Variants in SPRING1 observed in about 807,000 individuals in gnomAD.
The protein encoded by SPRING1 is SREBP regulating gene protein.
Under a neutral mutation model 24.7 loss-of-function variants are expected in SPRING1, and 14 were observed. The ratio of observed to expected loss-of-function variants is 0.57; its 90% CI spans 0.37 to 0.88. The LOEUF (loss-of-function observed/expected upper bound fraction) is 0.88. Ranked by LOEUF, SPRING1 falls within the 40% of genes least tolerant of loss-of-function variation. The probability of loss-of-function intolerance (pLI) is 0.00; values close to 1 mark genes in which losing one functional copy is unlikely to be tolerated. For synonymous variants in SPRING1, 93 were observed against 106.1 expected (o/e 0.88, Z 0.76); for missense variants, 255 against 268.4 (o/e 0.95, Z 0.35).
In SPRING1 at chr12:116,717,793, C is replaced by T; in HGVS notation, c.*17G>A. The T allele has an allele frequency of 6.4e-7, 1 of 1,572,724 alleles. No individual in the cohort carries two copies. On this transcript the variant is annotated 3_prime_UTR_variant, in exon 5 of 5. Coordinates refer to ENST00000261318, the MANE Select transcript of SPRING1 (RefSeq NM_024738.4). The surrounding 1 kb of genome is among the most constrained non-coding windows in gnomAD (Gnocchi z 4.2). The stretch of plus-strand genomic sequence containing the variant: ...CGGGGCCTCCTCACCCAGGCTGGAG[C>T]AAGTCCGCTGCACCCGTCAAGCGGG...
At chr12:116,736,260 G>C (rs1871214675) in intron 1 of SPRING1, among the ~76,000 whole-genome samples, 1 of 152,146 alleles carries the variant, frequency 6.6e-6, no homozygotes, top group South Asian at 2.1e-4. Context: ...GAGATTACCT[G>C]AGTCAGATAG....
intron 1 of SPRING1, among the ~76,000 whole-genome samples, chr12:116,730,795 G>C (rs1199154621): frequency 6.6e-6 from 1 of 152,188 alleles, no homozygotes. Flanking sequence ...AAAGTTACAA[G>C]CTAAGCGTAG....
chr12:116,737,570 G>A (rs4275719), intron 1 of SPRING1, among the ~76,000 whole-genome samples: 97,363 of 130,244 alleles, frequency 0.75, 37,890 homozygotes, highest in Non-Finnish European at 0.83. Flanking sequence ...GGGAGGCAGG[G>A]AGAGGGGAAG....
chr12:116,724,325 C>G (rs570780657), intron 1 of SPRING1, among the ~76,000 whole-genome samples: 1 of 152,286 alleles, frequency 6.6e-6, no homozygotes, highest in South Asian at 2.1e-4. Context: ...TGTCTACATA[C>G]ACTTTGGCCC....
chr12:116,737,794 T>C lies in SPRING1; in HGVS notation c.107A>G (p.Lys36Arg), dbSNP rs1345520701. 4 of 1,584,612 alleles carry C rather than the reference T, an allele frequency of 2.5e-6. No homozygotes were observed. Among genetic ancestry groups the C allele is most frequent in the Admixed American group, 1.7e-5 (1 of 57,930 alleles). ...AGGGGAAGGGCGGCCACTGACCTGC[T>C]TGAAGGTGCTGCTGAGGAAGTAGAC... ...SLVYFLSSTF[K>R]QEERAVRDRN... Residue 36 changes from lysine (K) to arginine (R), a missense_variant, in exon 1 of 5, where the codon AAG becomes AGG. Coordinates refer to ENST00000261318, the MANE Select transcript of SPRING1 (RefSeq NM_024738.4).
intron 2 of SPRING1, among the ~76,000 whole-genome samples, chr12:116,722,607 G>A (rs73218452): frequency 2.0e-5 from 3 of 152,336 alleles, no homozygotes; most frequent in Non-Finnish European, 4.4e-5. Context: ...TGGCATCACT[G>A]CTGAGTTGGG....
chr12:116,719,287 T>C (rs1870304358), intron 4 of SPRING1, among the ~76,000 whole-genome samples: 1 of 152,192 alleles, frequency 6.6e-6, no homozygotes. Context: ...CCTGACAGCC[T>C]ACAGATTTAT....
At position 116,734,413 on chromosome 12, in the gene SPRING1, T is replaced by G. The variant is rs193113787; in HGVS notation, c.111+3377A>C. On this transcript the variant is annotated intron_variant, in intron 1 of 4. Transcript: ENST00000261318. ...GCGACGCATGACTATAATCTTAAAA[T>G]GAAGATGATGTATCAGGGTAGTGAA... is the stretch of plus-strand genomic sequence containing the variant. Among the ~76,000 whole-genome samples, 5 of 152,212 alleles carry G rather than the reference T, an allele frequency of 3.3e-5. No individual in the cohort carries two copies. The East Asian group carries it at 9.6e-4, about 29-fold the overall frequency.
At chr12:116,733,906 T>G (rs1871112419) in intron 1 of SPRING1, among the ~76,000 whole-genome samples, 1 of 152,160 alleles carries the variant, frequency 6.6e-6, no homozygotes, top group Admixed American at 6.5e-5. Flanking sequence ...AAACACAGTC[T>G]CACTCTGTTG....
chr12:116,721,556 TTC>T (rs1375168277), intron 2 of SPRING1, among the ~76,000 whole-genome samples: 2 of 152,220 alleles, frequency 1.3e-5, no homozygotes, highest in African/African-American at 4.8e-5. Flanking sequence ...GAGAACTGGG[TTC>T]CAGATACTTG....
Position 116,720,932 on chromosome 12 carries a change from T to G in SPRING1, c.269-485A>C, listed in dbSNP as rs1486359380. Among the ~76,000 whole-genome samples the G allele has an allele frequency of 6.6e-6, 1 of 152,188 alleles. No homozygotes were observed. The highest frequency in any genetic ancestry group is 2.4e-5 in the African/African-American group (1 of 41,464). On this transcript the variant is annotated intron_variant, in intron 2 of 4. Transcript: ENST00000261318. The surrounding 1 kb of genome is among the most constrained non-coding windows in gnomAD (Gnocchi z 4.0). ...TATCTTTCAGATGCTCGCTGCATAC[T>G]GACTAATTTGGAGATTACAAAAATA...
rs748318886 is a variant in SPRING1, at chr12:116,710,358, GC to G, written c.*7451del. On this transcript the variant is annotated 3_prime_UTR_variant, in exon 5 of 5. Coordinates refer to ENST00000261318, the MANE Select transcript of SPRING1 (RefSeq NM_024738.4). ...TAAGTTCATACATTTTAAGGTTTCTGCCTGGTAATCACAAAAGCAGAGAAAG... is the reference window on the plus strand; with the variant it reads ...TAAGTTCATACATTTTAAGGTTTCTGCTGGTAATCACAAAAGCAGAGAAAG... 4.6e-5 allele frequency: 7 copies of G among 152,204 alleles called. No individual in the cohort carries two copies. The highest frequency in any genetic ancestry group is 1.0e-4 in the Non-Finnish European group (7 of 68,028). The allele number at this position is 152,204 out of a possible 1,614,324, so 9.4% of individuals were successfully genotyped here. A position where few individuals can be genotyped will look rare whatever the true frequency, so the allele number is the denominator to read the frequency against.
Position 116,712,299 on chromosome 12 carries a change from T to C in SPRING1, c.*5511A>G, listed in dbSNP as rs1181901948. On this transcript the variant is annotated 3_prime_UTR_variant, in exon 5 of 5. Transcript: ENST00000261318. Reference sequence around the variant, plus strand: ...GTACACAGGAAGATCACTGAGTAGGTTCTGTGGAGACGCAGTCGGCCCATA... The same window carrying C: ...GTACACAGGAAGATCACTGAGTAGGCTCTGTGGAGACGCAGTCGGCCCATA... 1 of 152,160 alleles carries C rather than the reference T, an allele frequency of 6.6e-6. No homozygotes were observed. The highest frequency in any genetic ancestry group is 6.5e-5 in the Admixed American group (1 of 15,270). The allele number at this position is 152,160 out of a possible 1,614,324, so 9.4% of individuals were successfully genotyped here.
Position 116,720,541 on chromosome 12 carries a change from A to G in SPRING1, c.269-94T>C, listed in dbSNP as rs905015142. On this transcript the variant is annotated intron_variant, in intron 2 of 4. Transcript: ENST00000261318. The surrounding 1 kb of genome is among the most constrained non-coding windows in gnomAD (Gnocchi z 4.0). ...GAAGCAGCAGTGAAAGTACACAGACAGAAGCTGGAGTCTGGGGCATCATCC... is the reference window on the plus strand; with the variant it reads ...GAAGCAGCAGTGAAAGTACACAGACGGAAGCTGGAGTCTGGGGCATCATCC... 2.0e-6 allele frequency: 3 copies of G among 1,489,938 alleles called. No individual in the cohort carries two copies. The highest frequency in any genetic ancestry group is 2.7e-6 in the Non-Finnish European group (3 of 1,093,164). The allele number at this position is 1,489,938 out of a possible 1,614,324, so 92.3% of individuals were successfully genotyped here. A position where few individuals can be genotyped will look rare whatever the true frequency, so the allele number is the denominator to read the frequency against.
rs1870156909 is a variant in SPRING1 at position 116,716,818 on chromosome 12, A to T, written c.*992T>A. 1 of 152,222 alleles carries T rather than the reference A, an allele frequency of 6.6e-6. No homozygotes were observed. Among genetic ancestry groups the T allele is most frequent in the African/African-American group, 2.4e-5 (1 of 41,460 alleles). 9.4% of individuals were successfully genotyped at this position (152,222 alleles called of 1,614,324 possible). On this transcript the variant is annotated 3_prime_UTR_variant, in exon 5 of 5. Coordinates refer to ENST00000261318, the MANE Select transcript of SPRING1 (RefSeq NM_024738.4). The stretch of plus-strand genomic sequence containing the variant: ...AGCCCCAAAGCTGAAAGCAATAAAG[A>T]ATAAACACATACAGCAAGCTACGAG...
Position 116,720,525 on chromosome 12 carries a change from G to A in SPRING1, c.269-78C>T. 6.4e-7 allele frequency: 1 copy of A among 1,555,606 alleles called. No individual in the cohort carries two copies. Among genetic ancestry groups the A allele is most frequent in the South Asian group, 1.2e-5 (1 of 83,048 alleles). ...TACCAGGGATGACCATGAAGCAGCAGTGAAAGTACACAGACAGAAGCTGGA... is the reference window on the plus strand; with the variant it reads ...TACCAGGGATGACCATGAAGCAGCAATGAAAGTACACAGACAGAAGCTGGA... On this transcript the variant is annotated intron_variant, in intron 2 of 4. Transcript: ENST00000261318. The surrounding 1 kb of genome is among the most constrained non-coding windows in gnomAD (Gnocchi z 4.0).
chr12:116,718,756 G>C (rs888563739), intron 4 of SPRING1, among the ~76,000 whole-genome samples: 8 of 152,230 alleles, frequency 5.3e-5, no homozygotes, highest in Non-Finnish European at 1.2e-4. Flanking sequence ...GAATGAGAGA[G>C]AATCTGAATC....
At position 116,712,623 on chromosome 12, in the gene SPRING1, A is replaced by C. The variant is rs1019246569; in HGVS notation, c.*5187T>G. The C allele has an allele frequency of 6.6e-6, 1 of 152,148 alleles. No individual in the cohort carries two copies. Among genetic ancestry groups the C allele is most frequent in the African/African-American group, 2.4e-5 (1 of 41,420 alleles). 9.4% of individuals were successfully genotyped at this position (152,148 alleles called of 1,614,324 possible). A position where few individuals can be genotyped will look rare whatever the true frequency, so the allele number is the denominator to read the frequency against. ...TATGTGATACCTTTTTAGTAGAATGACTAGTTTTCTAAACAGAACCTGTAA... is the reference window on the plus strand; with the variant it reads ...TATGTGATACCTTTTTAGTAGAATGCCTAGTTTTCTAAACAGAACCTGTAA... On this transcript the variant is annotated 3_prime_UTR_variant, in exon 5 of 5. Transcript: ENST00000261318.
intron 1 of SPRING1, among the ~76,000 whole-genome samples, chr12:116,725,699 C>T (rs1360700473): frequency 6.6e-6 from 1 of 152,064 alleles, no homozygotes; most frequent in Non-Finnish European, 1.5e-5. Context: ...TCCTGGCTAA[C>T]ACAGTGAAAC....
Sources: allele counts gnomAD v4.1 joint callset (sites outside exome capture counted in the v4.1 genomes callset), GRCh38; gene constraint gnomAD v4.1.1; non-coding constraint Gnocchi (gnomAD v3.1); transcripts MANE v1.5; gene names NCBI Gene and HGNC (gene_info 2026-07-23, HGNC 2026-07-21).